The following TFCP2L1 variants were observed in gnomAD, a reference collection of about 807,000 sequenced individuals.
The protein encoded by TFCP2L1 is transcription factor CP2 like 1.
TFCP2L1 carries 12 observed loss-of-function variants against 72.2 expected under a neutral mutation model. The ratio of observed to expected loss-of-function variants is 0.17; its 90% CI spans 0.11 to 0.27. The LOEUF is 0.27. Among genes scored for constraint, TFCP2L1 ranks in the 10% least tolerant of loss-of-function variants. The probability of loss-of-function intolerance (pLI) is 1.00; values close to 1 mark genes in which losing one functional copy is unlikely to be tolerated. For synonymous variants in TFCP2L1, 260 were observed against 251.0 expected (o/e 1.04, Z -0.34); for missense variants, 488 against 624.6 (o/e 0.78, Z 2.33).
intron 14 of TFCP2L1, among the ~76,000 whole-genome samples, chr2:121,224,900 G>C (rs1416171006): frequency 6.6e-6 from 1 of 152,052 alleles, no homozygotes; most frequent in Admixed American, 6.5e-5. Flanking sequence ...CAGGAGAATG[G>C]TGTGAACCCG....
chr2:121,251,436 A>G (rs1293597799), intron 2 of TFCP2L1, among the ~76,000 whole-genome samples: 13 of 152,204 alleles, frequency 8.5e-5, no homozygotes, highest in Admixed American at 8.5e-4. Context: ...TCTATGAAAT[A>G]TAATCACATT....
chr2:121,253,308 C>T (rs1394254370), intron 2 of TFCP2L1, among the ~76,000 whole-genome samples: 1 of 152,246 alleles, frequency 6.6e-6, no homozygotes, highest in Non-Finnish European at 1.5e-5. Flanking sequence ...CCCAAACTCT[C>T]ATCCTGCCCA....
At chr2:121,240,302 TG>T in intron 7 of TFCP2L1, 1 of 985,284 alleles carries the variant, frequency 1.0e-6, no homozygotes. Context: ...CAAATGCATG[TG>T]GAGTCTCCCA....
chr2:121,239,540 AAG>A lies in TFCP2L1; in HGVS notation c.860+16_860+17del, dbSNP rs745535938. The stretch of plus-strand genomic sequence containing the variant: ...GCCTTCATTTCAGGGAACCCGAAGA[AAG>A]AGAGGTGGGACGTACCCTTCGCCGA... On this transcript the variant is annotated intron_variant, in intron 8 of 14. Coordinates refer to ENST00000263707, the MANE Select transcript of TFCP2L1 (RefSeq NM_014553.3). 5 of 1,613,838 alleles carry A rather than the reference AAG, an allele frequency of 3.1e-6. No individual in the cohort carries two copies. The Admixed American group carries it at 8.3e-5, about 27-fold the overall frequency.
chr2:121,237,813 C>T lies in TFCP2L1; in HGVS notation c.898G>A (p.Val300Met), dbSNP rs61736365. 112 of 1,613,958 alleles carry T rather than the reference C, an allele frequency of 6.9e-5. No homozygotes were observed. In the Admixed American group the frequency reaches 1.6e-3, roughly 23 times the overall value. Residue 300 changes from valine (V) to methionine (M), a missense_variant, in exon 9 of 15, where the codon GTG (valine) becomes ATG (methionine). Val to Met is a conservative substitution (Grantham distance 21). This residue lies in a region of TFCP2L1 where 286 missense variants were observed against 329.0 expected (regional missense o/e 0.87). Coordinates refer to ENST00000263707, the MANE Select transcript of TFCP2L1 (RefSeq NM_014553.3). The part of the protein sequence containing the change: ...SPTHPVEALP[V>M]GSDHLLPSAS... Reference sequence around the variant, plus strand: ...GCTCAGACACTTACGTCACTGCCCACGGGCAGGGCCTCCACCGGGTGGGTC... The same window carrying T: ...GCTCAGACACTTACGTCACTGCCCATGGGCAGGGCCTCCACCGGGTGGGTC...
intron 13 of TFCP2L1, among the ~76,000 whole-genome samples, chr2:121,231,240 TC>T (rs1270679008): frequency 6.6e-6 from 1 of 152,228 alleles, no homozygotes; most frequent in African/African-American, 2.4e-5. Flanking sequence ...AAGCCTCTGT[TC>T]TACATCATGC....
Position 121,218,169 on chromosome 2 carries a change from G to A in TFCP2L1, c.*6172C>T, listed in dbSNP as rs924492760. The stretch of plus-strand genomic sequence containing the variant: ...ATATTTTGGGCTTTCAGAGCCAAGA[G>A]GCAAAATCAATATTATGTTGGCGTA... On this transcript the variant is annotated 3_prime_UTR_variant, in exon 15 of 15. Transcript: ENST00000263707. 5 of 152,196 alleles carry A rather than the reference G, an allele frequency of 3.3e-5. No individual in the cohort carries two copies. The highest frequency in any genetic ancestry group is 1.2e-4 in the African/African-American group (5 of 41,440). The allele number at this position is 152,196 out of a possible 1,614,324, so 9.4% of individuals were successfully genotyped here. A position where few individuals can be genotyped will look rare whatever the true frequency, so the allele number is the denominator to read the frequency against.
At chr2:121,278,687 A>C (rs1422681809) in intron 2 of TFCP2L1, among the ~76,000 whole-genome samples, 2 of 146,872 alleles carry the variant, frequency 1.4e-5, no homozygotes, top group Non-Finnish European at 3.0e-5. Context: ...CTGTCTCAAA[A>C]AGAAGAAAGA....
chr2:121,257,953 C>T (rs1052304405), intron 2 of TFCP2L1, among the ~76,000 whole-genome samples: 20 of 152,236 alleles, frequency 1.3e-4, no homozygotes, highest in African/African-American at 2.6e-4. Context: ...CCAGTTCACC[C>T]GAACCAGGTC....
chr2:121,253,027 C>T (rs913671045), intron 2 of TFCP2L1, among the ~76,000 whole-genome samples: 1 of 152,192 alleles, frequency 6.6e-6, no homozygotes, highest in African/African-American at 2.4e-5. Context: ...TGCTGAGCAA[C>T]AATTTGATGC....
At chr2:121,260,253 G>T (rs764400191) in intron 2 of TFCP2L1, among the ~76,000 whole-genome samples, 1 of 151,976 alleles carries the variant, frequency 6.6e-6, no homozygotes, top group African/African-American at 2.4e-5. Context: ...CCCAGGAGAA[G>T]AGGGGAAAGG....
chr2:121,263,929 C>T (rs1686879184), intron 2 of TFCP2L1, among the ~76,000 whole-genome samples: 1 of 151,820 alleles, frequency 6.6e-6, no homozygotes, highest in Admixed American at 6.6e-5. Flanking sequence ...ATTAACTTGC[C>T]AAAAAATAAA....
At chr2:121,248,663 A>G (rs1349950328) in intron 4 of TFCP2L1, among the ~76,000 whole-genome samples, 3 of 152,172 alleles carry the variant, frequency 2.0e-5, no homozygotes. Context: ...TCCATTGCCC[A>G]TCTATCTCTG....
chr2:121,259,337 G>C (rs1686787626), intron 2 of TFCP2L1, among the ~76,000 whole-genome samples: 1 of 151,474 alleles, frequency 6.6e-6, no homozygotes, highest in African/African-American at 2.4e-5. Context: ...TATTCAGCGA[G>C]GAAAAAATAT....
intron 2 of TFCP2L1, among the ~76,000 whole-genome samples, chr2:121,268,440 A>G (rs528676134): frequency 1.3e-5 from 2 of 151,990 alleles, no homozygotes; most frequent in South Asian, 4.2e-4. Flanking sequence ...TACAGCCTCA[A>G]CCTCCTGGGC....
intron 6 of TFCP2L1, among the ~76,000 whole-genome samples, chr2:121,245,290 A>G (rs1390148311): frequency 1.3e-5 from 2 of 152,210 alleles, no homozygotes; most frequent in African/African-American, 2.4e-5. Context: ...AGCCCCGCCC[A>G]GAGCCTCGGG....
chr2:121,267,655 G>A (rs951212530), intron 2 of TFCP2L1, among the ~76,000 whole-genome samples: 4 of 151,918 alleles, frequency 2.6e-5, no homozygotes, highest in South Asian at 2.1e-4. Context: ...CACCATGCCC[G>A]GCTAATTTTT....
chr2:121,282,021 C>A (rs1206761273), intron 1 of TFCP2L1, among the ~76,000 whole-genome samples: 2 of 151,978 alleles, frequency 1.3e-5, no homozygotes, highest in Non-Finnish European at 2.9e-5. Flanking sequence ...CAACCTCCAC[C>A]TCCCGGGTTC....
chr2:121,281,396 GGGTGCTGGCTGCACTCCTGCAA>G (rs1687259174), intron 1 of TFCP2L1, 125 bp from the exon 2 acceptor site: 1 of 1,101,820 alleles, frequency 9.1e-7, no homozygotes, highest in Non-Finnish European at 1.3e-6. Flanking sequence ...GCGCATCGCA[GGGTGCTGGCTGCACTCCTGCAA>G]CCCTCGAATA....
Sources: gnomAD v4.1 joint callset for allele counts (sites outside exome capture counted in the v4.1 genomes callset) on GRCh38, gnomAD v4.1.1 for gene constraint, gnomAD v4.1.1 regional missense constraint, MANE v1.5 for transcripts, NCBI Gene and HGNC (gene_info 2026-07-23, HGNC 2026-07-21) for gene names.